SLC24A2: variants seen among roughly 807,000 people sequenced by gnomAD.
SLC24A2 encodes sodium/potassium/calcium exchanger 2.
In SLC24A2, 36 loss-of-function variants were observed where a neutral mutation model predicts 62.0. The ratio of observed to expected loss-of-function variants is 0.58; its 90% CI spans 0.44 to 0.77. SLC24A2 has a LOEUF of 0.77. Ranked by LOEUF, SLC24A2 falls within the 30% of genes least tolerant of loss-of-function variation. The pLI is 0.00. For synonymous variants in SLC24A2, 358 were observed against 294.0 expected, an observed-to-expected ratio of 1.22 and a Z score of -2.23; for missense variants, 846 against 817.9, an observed-to-expected ratio of 1.03 and a Z score of -0.42.
the SLC24A2 span, among the ~76,000 whole-genome samples, chr9:19,865,952 G>C: frequency 5.9e-5 from 9 of 152,164 alleles, no homozygotes; most frequent in African/African-American, 1.7e-4. Flanking sequence ...CTAGCCATCT[G>C]ACAAGGGAAT....
At chr9:19,871,710 A>C in the SLC24A2 span, among the ~76,000 whole-genome samples, 12 of 152,174 alleles carry the variant, frequency 7.9e-5, no homozygotes, top group Non-Finnish European at 1.2e-4. Flanking sequence ...TGTAAAAATA[A>C]GGTATTTTTA....
At chr9:19,535,091 G>C (rs1466796275) in intron 8 of SLC24A2, among the ~76,000 whole-genome samples, 2 of 152,036 alleles carry the variant, frequency 1.3e-5, no homozygotes, top group Non-Finnish European at 2.9e-5. Context: ...GTTTTGATTT[G>C]CATTTCTCTA....
chr9:19,525,215 T>C (rs976262955), intron 9 of SLC24A2, among the ~76,000 whole-genome samples: 1 of 152,102 alleles, frequency 6.6e-6, no homozygotes, highest in Non-Finnish European at 1.5e-5. Context: ...AACTGTGATA[T>C]GAATAATATA....
chr9:20,276,737 C>G, the SLC24A2 span, among the ~76,000 whole-genome samples: 2,594 of 152,346 alleles, frequency 0.017, 34 homozygotes, highest in East Asian at 0.036. Flanking sequence ...TCCATACATC[C>G]TCTGAAATCT....
At chr9:20,131,014 A>C in the SLC24A2 span, among the ~76,000 whole-genome samples, 1 of 151,452 alleles carries the variant, frequency 6.6e-6, no homozygotes, top group South Asian at 2.1e-4. Flanking sequence ...ACAATGACGA[A>C]AATAATGAAG....
At chr9:20,080,586 A>G in the SLC24A2 span, among the ~76,000 whole-genome samples, 2 of 152,224 alleles carry the variant, frequency 1.3e-5, no homozygotes, top group Non-Finnish European at 2.9e-5. Flanking sequence ...TCTTGTCTAA[A>G]ACACCAAAAG....
the SLC24A2 span, among the ~76,000 whole-genome samples, chr9:20,047,364 A>C: frequency 4.0e-4 from 61 of 152,124 alleles, no homozygotes; most frequent in African/African-American, 1.4e-3. Flanking sequence ...GATAATACTT[A>C]TAAACCATTT....
the SLC24A2 span, among the ~76,000 whole-genome samples, chr9:20,189,511 G>C: frequency 1.0e-3 from 157 of 152,282 alleles, 2 homozygotes; most frequent in Non-Finnish European, 1.0e-3. Flanking sequence ...CTTAAAGAAA[G>C]AAAGTGTGGG....
intron 2 of SLC24A2, among the ~76,000 whole-genome samples, chr9:19,649,363 A>G (rs377500270): frequency 2.0e-5 from 3 of 152,140 alleles, no homozygotes; most frequent in Non-Finnish European, 4.4e-5. Context: ...TATGTTGGGT[A>G]TTACAAAATT....
At chr9:19,707,717 A>C (rs1820576269) in intron 2 of SLC24A2, among the ~76,000 whole-genome samples, 2 of 152,226 alleles carry the variant, frequency 1.3e-5, no homozygotes, top group Non-Finnish European at 2.9e-5. Context: ...CTTCATGCTT[A>C]AAACTCTCAA....
the SLC24A2 span, among the ~76,000 whole-genome samples, chr9:20,274,563 G>C: frequency 5.3e-5 from 8 of 152,114 alleles, no homozygotes; most frequent in African/African-American, 1.4e-4. Flanking sequence ...ATACTACACT[G>C]TGGAGTCAGA....
chr9:19,562,066 T>TC (rs1448219725), intron 7 of SLC24A2, among the ~76,000 whole-genome samples: 1 of 152,198 alleles, frequency 6.6e-6, no homozygotes, highest in African/African-American at 2.4e-5. Flanking sequence ...GCAACTGTTA[T>TC]CCCTCACTTT....
At chr9:19,645,744 C>T (rs111759507) in intron 2 of SLC24A2, among the ~76,000 whole-genome samples, 68 of 152,288 alleles carry the variant, frequency 4.5e-4, no homozygotes, top group African/African-American at 1.6e-3. Flanking sequence ...TATATTGATT[C>T]TGCAAGAAAG....
intron 8 of SLC24A2, among the ~76,000 whole-genome samples, chr9:19,533,677 C>A (rs1416066493): frequency 1.3e-5 from 2 of 152,198 alleles, no homozygotes; most frequent in African/African-American, 4.8e-5. Context: ...ATTAACTGAG[C>A]ACCACTAAGA....
intron 2 of SLC24A2, among the ~76,000 whole-genome samples, chr9:19,775,499 T>C (rs1479385454): frequency 6.6e-6 from 1 of 152,230 alleles, no homozygotes; most frequent in African/African-American, 2.4e-5. Flanking sequence ...TGGTCAGAGT[T>C]AGCCAAATGG....
chr9:20,005,237 C>T, the SLC24A2 span, among the ~76,000 whole-genome samples: 1 of 152,088 alleles, frequency 6.6e-6, no homozygotes, highest in Admixed American at 6.6e-5. Flanking sequence ...ATTGGAAAGC[C>T]CTTTTTCATT....
rs191320682 is a variant in SLC24A2 at position 19,587,587 on chromosome 9, T to G, written c.1129+9642A>C. Among the ~76,000 whole-genome samples, 172 of 152,176 alleles carry G rather than the reference T, an allele frequency of 1.1e-3. 5 individuals carry two copies. The highest frequency in any genetic ancestry group is 0.011 in the Admixed American group (161 of 15,292). On this transcript the variant is annotated intron_variant, in intron 5 of 10. Coordinates refer to ENST00000341998, the MANE Select transcript of SLC24A2 (RefSeq NM_020344.4). ...ATGAGATGATTAGGTTTACTTCAGA[T>G]CTAATCAAAAGAGAAACTTACCATG...
the SLC24A2 span, among the ~76,000 whole-genome samples, chr9:20,240,957 A>G: frequency 0.011 from 1,625 of 152,322 alleles, 30 homozygotes; most frequent in African/African-American, 0.036. Flanking sequence ...ATTGAGGCAC[A>G]GTTTCAGGAG....
the SLC24A2 span, among the ~76,000 whole-genome samples, chr9:20,288,426 G>T: frequency 6.6e-6 from 1 of 152,012 alleles, no homozygotes; most frequent in Admixed American, 6.6e-5. Flanking sequence ...GGTGCGGGAG[G>T]TGGGGTAGTG....
Sources: gnomAD v4.1 joint callset for allele counts (sites outside exome capture counted in the v4.1 genomes callset) on GRCh38, gnomAD v4.1.1 for gene constraint, MANE v1.5 for transcripts, NCBI Gene and HGNC (gene_info 2026-07-23, HGNC 2026-07-21) for gene names.